CLASP1: variants seen among roughly 807,000 people sequenced by gnomAD.
CLASP1 encodes cytoplasmic linker associated protein 1.
A neutral mutation model predicts 192.3 loss-of-function variants in CLASP1; 38 were observed. That is an observed-to-expected ratio of 0.20 (90% CI 0.15 to 0.26). The LOEUF is 0.26. CLASP1 is among the 10% of genes least tolerant of loss of function. The probability of loss-of-function intolerance (pLI) is 1.00; values close to 1 mark genes in which losing one functional copy is unlikely to be tolerated. For synonymous variants in CLASP1, 691 were observed against 712.8 expected (o/e 0.97, Z 0.49); for missense variants, 1,433 against 1,932.5 (o/e 0.74, Z 4.85).
exon 40 of CLASP1, chr2:121,337,974 A>G (rs1353442254): frequency 6.6e-6 from 1 of 152,118 alleles, no homozygotes; most frequent in Admixed American, 6.6e-5. Flanking sequence ...CAAAAAACAA[A>G]AAAACCCACC....
chr2:121,494,486 G>A (rs996001025), intron 8 of CLASP1, among the ~76,000 whole-genome samples: 1 of 152,066 alleles, frequency 6.6e-6, no homozygotes, highest in Non-Finnish European at 1.5e-5. Flanking sequence ...AGTGGGGATG[G>A]TTAAAGGGTA....
At chr2:121,351,076 G>A (rs965884577) in intron 37 of CLASP1, among the ~76,000 whole-genome samples, 1 of 152,168 alleles carries the variant, frequency 6.6e-6, no homozygotes, top group Non-Finnish European at 1.5e-5. Context: ...TGAGGAGCAG[G>A]CCGCACCTCA....
chr2:121,504,635 G>T (rs1007329315), intron 7 of CLASP1, among the ~76,000 whole-genome samples: 1 of 152,168 alleles, frequency 6.6e-6, no homozygotes, highest in Non-Finnish European at 1.5e-5. Flanking sequence ...CCCATTATGT[G>T]CCCAACACCG....
In CLASP1 at chr2:121,633,007, C is replaced by CATATATATAT. The variant is rs71398038; in HGVS notation, c.-286+16355_-286+16364dup. Among the ~76,000 whole-genome samples, 168 of 115,556 alleles carry CATATATATAT rather than the reference C, an allele frequency of 1.5e-3. 3 individuals are homozygous for CATATATATAT. The highest frequency in any genetic ancestry group is 4.7e-3 in the African/African-American group (124 of 26,512). 75.8% of individuals were successfully genotyped at this position (115,556 alleles called of 152,430 possible). A position where few individuals can be genotyped will look rare whatever the true frequency, so the allele number is the denominator to read the frequency against. On this transcript the variant is annotated intron_variant, in intron 1 of 39. Coordinates refer to ENST00000263710, the Ensembl canonical transcript of CLASP1. ...GTGTGTATATATATGTATGTGTGTG[C>CATATATATAT]ATATATATATATATATATATAGGCT...
chr2:121,513,418 G>A (rs1048092917), intron 7 of CLASP1, among the ~76,000 whole-genome samples: 2 of 151,990 alleles, frequency 1.3e-5, no homozygotes, highest in South Asian at 2.1e-4. Context: ...CTTTTGTAGC[G>A]CCTTTTTTAT....
intron 8 of CLASP1, among the ~76,000 whole-genome samples, chr2:121,478,830 C>CA (rs2092148644): frequency 1.7e-5 from 1 of 59,812 alleles, no homozygotes; most frequent in Non-Finnish European, 3.2e-5. Context: ...CAACCACACA[C>CA]CACACACCAC....
intron 37 of CLASP1, among the ~76,000 whole-genome samples, chr2:121,353,803 C>A (rs1457765621): frequency 6.6e-6 from 1 of 152,192 alleles, no homozygotes; most frequent in East Asian, 1.9e-4. Context: ...CACACACACA[C>A]ACACACAGAT....
At chr2:121,432,083 T>C (rs1306961872) in intron 19 of CLASP1, among the ~76,000 whole-genome samples, 1 of 152,188 alleles carries the variant, frequency 6.6e-6, no homozygotes, top group Non-Finnish European at 1.5e-5. Flanking sequence ...CTACACGACA[T>C]CACAATACTG....
chr2:121,534,550 T>G (rs2094990431), intron 2 of CLASP1, among the ~76,000 whole-genome samples: 2 of 152,154 alleles, frequency 1.3e-5, no homozygotes, highest in Admixed American at 1.3e-4. Flanking sequence ...TGTTGTTTGT[T>G]TTTTTGAGAC....
At chr2:121,386,012 A>G (rs987081130) in intron 32 of CLASP1, among the ~76,000 whole-genome samples, 4 of 152,224 alleles carry the variant, frequency 2.6e-5, no homozygotes, top group African/African-American at 9.6e-5. Flanking sequence ...ACATAAGGGC[A>G]ATCTGAACAG....
At chr2:121,434,421 C>A (rs943801434) in intron 19 of CLASP1, among the ~76,000 whole-genome samples, 1 of 151,804 alleles carries the variant, frequency 6.6e-6, no homozygotes, top group Non-Finnish European at 1.5e-5. Context: ...TATGTCACCA[C>A]GCCATATTAA....
chr2:121,402,307 T>C (rs143085130), intron 26 of CLASP1, among the ~76,000 whole-genome samples: 1 of 152,376 alleles, frequency 6.6e-6, no homozygotes, highest in Non-Finnish European at 1.5e-5. Context: ...ATAATCATCA[T>C]GCTGTTGTGT....
At chr2:121,593,808 CA>C (rs1356048792) in intron 2 of CLASP1, among the ~76,000 whole-genome samples, 1 of 149,572 alleles carries the variant, frequency 6.7e-6, no homozygotes, top group African/African-American at 2.5e-5. Context: ...GTTGGGAGTT[CA>C]AGACCAGCAT....
chr2:121,496,832 C>T (rs957662709), intron 8 of CLASP1, among the ~76,000 whole-genome samples: 10 of 151,978 alleles, frequency 6.6e-5, no homozygotes, highest in Non-Finnish European at 1.5e-4. Flanking sequence ...ATTTGGGATG[C>T]CAACAGATGA....
chr2:121,505,006 T>A (rs2150268862), intron 7 of CLASP1: 1 of 152,306 alleles, frequency 6.6e-6, no homozygotes, highest in Admixed American at 6.5e-5. Flanking sequence ...TCCATTATCT[T>A]CCCTTTTTAA....
At chr2:121,459,240 T>A (rs374277985) in intron 12 of CLASP1, among the ~76,000 whole-genome samples, 3 of 152,044 alleles carry the variant, frequency 2.0e-5, no homozygotes, top group African/African-American at 4.8e-5. Context: ...CTTGCCCACG[T>A]TGAACTTGAA....
chr2:121,344,291 A>C (rs924940789), intron 39 of CLASP1, among the ~76,000 whole-genome samples: 1 of 152,136 alleles, frequency 6.6e-6, no homozygotes, highest in South Asian at 2.1e-4. Context: ...CTCTTCGTAC[A>C]GAAGATATCT....
chr2:121,340,982 G>GAA, intron 39 of CLASP1, 35 bp from the exon 41 acceptor site: 1 of 1,423,030 alleles, frequency 7.0e-7, no homozygotes, highest in Admixed American at 1.9e-5. Context: ...TTAGCAGGAA[G>GAA]AAAAGCAATC....
chr2:121,427,552 A>C lies in CLASP1; in HGVS notation c.2018-122T>G, dbSNP rs550695352. ...TTGTTCACAAATACATTAGCAAAACAGCTATATTTCCTAGGACTTGTTCCT... is the reference window on the plus strand; with the variant it reads ...TTGTTCACAAATACATTAGCAAAACCGCTATATTTCCTAGGACTTGTTCCT... On this transcript the variant is annotated intron_variant, in intron 20 of 39. Transcript: ENST00000263710. 9 of 961,534 alleles carry C rather than the reference A, an allele frequency of 9.4e-6. No homozygotes were observed. The Admixed American group carries it at 1.9e-4, about 20-fold the overall frequency. 59.6% of individuals were successfully genotyped at this position (961,534 alleles called of 1,614,324 possible). A position where few individuals can be genotyped will look rare whatever the true frequency, so the allele number is the denominator to read the frequency against.
Sources: gnomAD v4.1 joint callset for allele counts (sites outside exome capture counted in the v4.1 genomes callset) on GRCh38, gnomAD v4.1.1 for gene constraint, MANE v1.5 for transcripts, NCBI Gene and HGNC (gene_info 2026-07-23, HGNC 2026-07-21) for gene names.